SGCZ: variants seen among roughly 807,000 people sequenced by gnomAD.
SGCZ encodes sarcoglycan zeta.
Under a neutral mutation model 41.3 loss-of-function variants are expected in SGCZ, and 40 were observed. The observed-to-expected ratio is 0.97, with a 90% CI of 0.75 to 1.26. SGCZ has a LOEUF of 1.26. SGCZ is among the 50% of genes most tolerant of loss of function. The pLI is 0.00. For missense variants in SGCZ, 552 were observed against 369.8 expected (o/e 1.49, Z -4.04); for synonymous variants, 206 against 137.5 (o/e 1.50, Z -3.49).
At chr8:14,646,380 T>A (rs1585151139) in intron 1 of SGCZ, among the ~76,000 whole-genome samples, 1 of 106,104 alleles carries the variant, frequency 9.4e-6, no homozygotes, top group Non-Finnish European at 2.2e-5. Flanking sequence ...ATGGGTGTGA[T>A]TTTTTTCTTT....
chr8:14,447,165 T>A (rs1800456572), intron 2 of SGCZ, among the ~76,000 whole-genome samples: 1 of 152,190 alleles, frequency 6.6e-6, no homozygotes, highest in Admixed American at 6.5e-5. Flanking sequence ...AAGCTTATGT[T>A]CACTCAACCA....
At chr8:14,352,941 T>G (rs17119146) in intron 2 of SGCZ, among the ~76,000 whole-genome samples, 12,787 of 152,156 alleles carry the variant, frequency 0.084, 1,625 homozygotes, top group African/African-American at 0.28. Context: ...ATTTGATTTC[T>G]TTTGCTTTTG....
intron 1 of SGCZ, among the ~76,000 whole-genome samples, chr8:15,049,927 G>A (rs539971460): frequency 6.6e-6 from 1 of 152,208 alleles, no homozygotes; most frequent in African/African-American, 2.4e-5. Flanking sequence ...ATGATTGTGA[G>A]TCCTCCACAG....
intron 1 of SGCZ, among the ~76,000 whole-genome samples, chr8:14,792,031 T>C (rs1190187008): frequency 6.6e-6 from 1 of 152,216 alleles, no homozygotes; most frequent in Admixed American, 6.5e-5. Context: ...TAGCATGTTC[T>C]CAGTAGTGTG....
intron 1 of SGCZ, among the ~76,000 whole-genome samples, chr8:15,076,955 G>C (rs777345858): frequency 1.3e-5 from 2 of 152,102 alleles, no homozygotes; most frequent in Non-Finnish European, 2.9e-5. Flanking sequence ...GACTTTAAAA[G>C]CTATGAGATT....
chr8:14,867,321 A>T (rs1324661230), intron 1 of SGCZ, among the ~76,000 whole-genome samples: 4 of 152,044 alleles, frequency 2.6e-5, no homozygotes, highest in African/African-American at 9.7e-5. Flanking sequence ...CATGGTGTAT[A>T]TGTACTATAT....
chr8:14,165,996 A>C (rs1005506202), intron 4 of SGCZ, among the ~76,000 whole-genome samples: 19 of 152,148 alleles, frequency 1.2e-4, no homozygotes, highest in African/African-American at 4.6e-4. Flanking sequence ...AGCATTCATC[A>C]AGAGAAAAAA....
At chr8:15,038,649 C>T (rs1031938266) in intron 1 of SGCZ, among the ~76,000 whole-genome samples, 2 of 151,588 alleles carry the variant, frequency 1.3e-5, no homozygotes, top group Non-Finnish European at 2.9e-5. Flanking sequence ...GCCAAGTAGA[C>T]AACGAACACA....
chr8:14,532,300 T>A (rs1258573732), intron 2 of SGCZ, among the ~76,000 whole-genome samples: 2 of 152,074 alleles, frequency 1.3e-5, no homozygotes, highest in African/African-American at 4.8e-5. Context: ...AGAAGCTGGT[T>A]AGAGTAAACC....
In SGCZ at chr8:15,238,043, T is replaced by C. The variant is rs768080493; in HGVS notation, c.-420A>G. The C allele has an allele frequency of 2.4e-5, 4 of 165,440 alleles. No homozygotes were observed. The highest frequency in any genetic ancestry group is 5.3e-5 in the Non-Finnish European group (4 of 75,652). The allele number at this position is 165,440 out of a possible 1,614,324, so 10.2% of individuals were successfully genotyped here. On this transcript the variant is annotated 5_prime_UTR_variant, in exon 1 of 8. Coordinates refer to ENST00000382080, the MANE Select transcript of SGCZ (RefSeq NM_139167.4). ...TCATGCGGCAAATTTCAAGCAAATG[T>C]GTTCAAACTGAAGAGAAGAGTGTAT...
At chr8:14,316,743 C>G (rs1801729297) in intron 3 of SGCZ, among the ~76,000 whole-genome samples, 1 of 151,498 alleles carries the variant, frequency 6.6e-6, no homozygotes, top group Admixed American at 6.6e-5. Context: ...ACGATTCATT[C>G]CACGGAAATC....
chr8:14,959,014 T>C (rs1290889038), intron 1 of SGCZ, among the ~76,000 whole-genome samples: 1 of 152,110 alleles, frequency 6.6e-6, no homozygotes, highest in Non-Finnish European at 1.5e-5. Context: ...GAACTCCTAC[T>C]ACATAGTAAA....
At chr8:15,032,299 A>C (rs1290212604) in intron 1 of SGCZ, among the ~76,000 whole-genome samples, 1 of 152,162 alleles carries the variant, frequency 6.6e-6, no homozygotes, top group African/African-American at 2.4e-5. Context: ...ATAAAAAAGA[A>C]ATTAAAAAAA....
chr8:14,624,278 CA>C (rs1284175545), intron 1 of SGCZ, among the ~76,000 whole-genome samples: 1 of 152,024 alleles, frequency 6.6e-6, no homozygotes, highest in African/African-American at 2.4e-5. Context: ...AGGAATCCCC[CA>C]ATAACAATGT....
At chr8:15,000,879 A>G (rs1802393811) in intron 1 of SGCZ, among the ~76,000 whole-genome samples, 2 of 152,168 alleles carry the variant, frequency 1.3e-5, no homozygotes, top group South Asian at 4.1e-4. Context: ...TCTTCTGCCT[A>G]TTAAACTTTC....
At chr8:14,573,022 A>C (rs946792102) in intron 1 of SGCZ, among the ~76,000 whole-genome samples, 1 of 152,164 alleles carries the variant, frequency 6.6e-6, no homozygotes, top group African/African-American at 2.4e-5. Flanking sequence ...TCTATAAAGA[A>C]ATATGCAAAT....
At chr8:14,466,847 A>C (rs1361094629) in intron 2 of SGCZ, among the ~76,000 whole-genome samples, 1 of 151,710 alleles carries the variant, frequency 6.6e-6, no homozygotes, top group African/African-American at 2.4e-5. Context: ...TTTTGTTTAT[A>C]CATTGTTTTC....
intron 5 of SGCZ, among the ~76,000 whole-genome samples, chr8:14,134,887 G>A (rs1803150637): frequency 6.6e-6 from 1 of 152,074 alleles, no homozygotes; most frequent in Admixed American, 6.6e-5. Flanking sequence ...AAACATGACA[G>A]ATATAATAGT....
intron 1 of SGCZ, among the ~76,000 whole-genome samples, chr8:15,133,149 T>TATAAATAAATAAATAAATAA (rs139910762): frequency 4.4e-4 from 67 of 151,312 alleles, no homozygotes; most frequent in Middle Eastern, 3.4e-3. Flanking sequence ...TCTCAAAATA[T>TATAAATAAATAAATAAATAA]ATAAATAAAT....
Sources: gnomAD v4.1 joint callset for allele counts (sites outside exome capture counted in the v4.1 genomes callset) on GRCh38, gnomAD v4.1.1 for gene constraint, MANE v1.5 for transcripts, NCBI Gene and HGNC (gene_info 2026-07-23, HGNC 2026-07-21) for gene names.